The following DIP2B variants were observed in gnomAD, a reference collection of about 807,000 sequenced individuals.
The protein encoded by DIP2B is DIP2 acetate--CoA ligase B (putative).
Under a neutral mutation model 198.0 loss-of-function variants are expected in DIP2B, and 76 were observed. The observed-to-expected ratio is 0.38, with a 90% CI of 0.32 to 0.46. The LOEUF (loss-of-function observed/expected upper bound fraction) is 0.46. DIP2B is among the 20% of genes least tolerant of loss of function. The pLI, the probability that DIP2B is intolerant of heterozygous loss-of-function variation, is 0.99. For missense variants in DIP2B, 1,559 were observed against 1,978.4 expected (o/e 0.79, Z 4.02); for synonymous variants, 701 against 739.1 (o/e 0.95, Z 0.84).
intron 1 of DIP2B, among the ~76,000 whole-genome samples, chr12:50,579,083 G>A (rs1175318675): frequency 2.0e-5 from 3 of 152,044 alleles, no homozygotes; most frequent in African/African-American, 7.2e-5. Flanking sequence ...ATTCTGTGTT[G>A]TGTCAAGGAA....
chr12:50,667,939 G>A (rs1217030993), intron 4 of DIP2B, among the ~76,000 whole-genome samples: 1 of 152,132 alleles, frequency 6.6e-6, no homozygotes, highest in Non-Finnish European at 1.5e-5. Flanking sequence ...TAGGATAAAG[G>A]CAAGTTTCCT....
chr12:50,545,095 T>C (rs1958364400), intron 1 of DIP2B, among the ~76,000 whole-genome samples: 1 of 152,198 alleles, frequency 6.6e-6, no homozygotes, highest in African/African-American at 2.4e-5. Flanking sequence ...GTTTCCAGTT[T>C]TGGCTTTTGC....
chr12:50,676,351 G>C (rs750260744), intron 7 of DIP2B, among the ~76,000 whole-genome samples: 20 of 152,138 alleles, frequency 1.3e-4, no homozygotes, highest in Non-Finnish European at 2.5e-4. Flanking sequence ...ATAGAATTAG[G>C]TACATTGGTA....
At chr12:50,712,340 A>G (rs920076172) in intron 22 of DIP2B, among the ~76,000 whole-genome samples, 1 of 152,192 alleles carries the variant, frequency 6.6e-6, no homozygotes, top group Non-Finnish European at 1.5e-5. Context: ...ATGATGGCTC[A>G]TGTCTGTAAT....
chr12:50,629,516 A>C (rs1938001048), intron 2 of DIP2B, among the ~76,000 whole-genome samples: 1 of 152,138 alleles, frequency 6.6e-6, no homozygotes, highest in African/African-American at 2.4e-5. Flanking sequence ...GTATCTCTCT[A>C]GATTATTTCA....
At chr12:50,642,799 A>G (rs1402323478) in intron 3 of DIP2B, among the ~76,000 whole-genome samples, 1 of 152,148 alleles carries the variant, frequency 6.6e-6, no homozygotes, top group Non-Finnish European at 1.5e-5. Flanking sequence ...AAAAAAAAAC[A>G]ACAACACATC....
rs898268193 is a variant in DIP2B, at chr12:50,737,194, G to A, written c.4176+84G>A. On this transcript the variant is annotated intron_variant, in intron 35 of 37. Transcript: ENST00000301180. ...ACATTTTAGAAATCAGTAAAACTGT[G>A]GATTTAGCTTTCCCCCGTTGTGAAT... 6 of 1,304,274 alleles carry A rather than the reference G, an allele frequency of 4.6e-6. No individual in the cohort carries two copies. The African/African-American group carries it at 8.9e-5, about 19-fold the overall frequency. The allele number at this position is 1,304,274 out of a possible 1,614,324, so 80.8% of individuals were successfully genotyped here.
rs371122750 is a variant in DIP2B, at chr12:50,601,405, C to T, written c.101-24571C>T. On this transcript the variant is annotated intron_variant, in intron 1 of 37. Coordinates refer to ENST00000301180, the MANE Select transcript of DIP2B (RefSeq NM_173602.3). Reference sequence around the variant, plus strand: ...TGTCACCCAGACTGGAGTGCAGTGGCGCGATCTCGACTCACTGCAAGCTCC... The same window carrying T: ...TGTCACCCAGACTGGAGTGCAGTGGTGCGATCTCGACTCACTGCAAGCTCC... Among the ~76,000 whole-genome samples, 874 of 151,674 alleles carry T rather than the reference C, an allele frequency of 5.8e-3. 9 individuals are homozygous for T. The highest frequency in any genetic ancestry group is 0.02 in the African/African-American group (833 of 41,302).
intron 1 of DIP2B, among the ~76,000 whole-genome samples, chr12:50,568,344 G>A (rs899649350): frequency 3.9e-5 from 6 of 152,154 alleles, no homozygotes; most frequent in African/African-American, 1.4e-4. Context: ...GCTCCTAGGG[G>A]CTTCTTTTCC....
At chr12:50,742,633 C>T (rs554875488) in intron 37 of DIP2B, among the ~76,000 whole-genome samples, 38 of 152,134 alleles carry the variant, frequency 2.5e-4, no homozygotes, top group South Asian at 1.0e-3. Flanking sequence ...TGGTGGCTCA[C>T]GCCTATAATC....
At chr12:50,591,350 C>T (rs1958816489) in intron 1 of DIP2B, among the ~76,000 whole-genome samples, 1 of 151,824 alleles carries the variant, frequency 6.6e-6, no homozygotes, top group Non-Finnish European at 1.5e-5. Flanking sequence ...TTTTTGTTTA[C>T]CCATCTGATT....
chr12:50,739,681 T>G (rs1381531395), intron 36 of DIP2B, 95 bp downstream of exon 36: 1 of 1,444,186 alleles, frequency 6.9e-7, no homozygotes, highest in Non-Finnish European at 9.5e-7. Flanking sequence ...AGTGTGTCTA[T>G]TTAGTTACTC....
At chr12:50,505,325 G>T in intron 1 of DIP2B, 85 bp downstream of exon 1, 1 of 1,166,862 alleles carries the variant, frequency 8.6e-7, no homozygotes, top group Non-Finnish European at 1.1e-6. Flanking sequence ...GCGCTCTGGC[G>T]GCCGTGCGGC....
At chr12:50,693,086 G>C in intron 14 of DIP2B, 73 bp downstream of exon 14, 1 of 1,384,364 alleles carries the variant, frequency 7.2e-7, no homozygotes, top group Non-Finnish European at 1.0e-6. Flanking sequence ...TATAACTGGA[G>C]CATCTCTCAG....
chr12:50,505,347 G>A (rs374167138), intron 1 of DIP2B, 107 bp downstream of exon 1: 2 of 889,252 alleles, frequency 2.2e-6, no homozygotes, highest in South Asian at 1.9e-5. Context: ...AGGGGGACGA[G>A]GGTGTAGAGA....
At chr12:50,731,784 A>G (rs1036292244) in intron 31 of DIP2B, among the ~76,000 whole-genome samples, 15 of 152,212 alleles carry the variant, frequency 9.9e-5, no homozygotes, top group African/African-American at 3.4e-4. Flanking sequence ...TTGGGAGGCT[A>G]ACTGGAAAGA....
chr12:50,660,872 C>T (rs2731442), intron 4 of DIP2B, among the ~76,000 whole-genome samples: 41,155 of 151,914 alleles, frequency 0.27, 6,331 homozygotes, highest in Non-Finnish European at 0.35. Context: ...ATTTTGTACA[C>T]ATTTATTTAT....
chr12:50,657,985 T>C (rs2684901), intron 3 of DIP2B, among the ~76,000 whole-genome samples: 38,402 of 151,566 alleles, frequency 0.25, 5,914 homozygotes, highest in Non-Finnish European at 0.35. Flanking sequence ...ATTTCTGTAT[T>C]TTGGCTGGTA....
chr12:50,635,424 G>A (rs922542133), intron 2 of DIP2B, among the ~76,000 whole-genome samples: 8 of 152,160 alleles, frequency 5.3e-5, no homozygotes, highest in Non-Finnish European at 1.0e-4. Flanking sequence ...ATTTGTTGAT[G>A]TTCTTTAGCT....
Sources: gnomAD v4.1 joint callset for allele counts (sites outside exome capture counted in the v4.1 genomes callset) on GRCh38, gnomAD v4.1.1 for gene constraint, MANE v1.5 for transcripts, NCBI Gene and HGNC (gene_info 2026-07-23, HGNC 2026-07-21) for gene names.